Variants in VPS8 observed in about 807,000 individuals in gnomAD.
VPS8 encodes VPS8 subunit of CORVET complex.
Under a neutral mutation model 216.4 loss-of-function variants are expected in VPS8, and 129 were observed. The ratio of observed to expected loss-of-function variants is 0.60; its 90% CI spans 0.52 to 0.69. The LOEUF (loss-of-function observed/expected upper bound fraction) is 0.69, where lower values mean the gene tolerates loss of function less well. Ranked by LOEUF, VPS8 falls within the 30% of genes least tolerant of loss-of-function variation. VPS8 has a pLI of 0.00. For missense variants in VPS8, 1,531 were observed against 1,683.5 expected, an observed-to-expected ratio of 0.91 and a Z score of 1.59; for synonymous variants, 571 against 565.4, an observed-to-expected ratio of 1.01 and a Z score of -0.14.
intron 34 of VPS8, among the ~76,000 whole-genome samples, chr3:184,934,535 A>T (rs944289919): frequency 1.1e-4 from 16 of 152,204 alleles, no homozygotes; most frequent in African/African-American, 3.6e-4. Flanking sequence ...TGGCATTTTT[A>T]AAAATTTCAT....
chr3:184,818,958 A>T (rs1397953737), intron 1 of VPS8, among the ~76,000 whole-genome samples: 1 of 152,116 alleles, frequency 6.6e-6, no homozygotes, highest in Non-Finnish European at 1.5e-5. Context: ...GCTTGAGGCC[A>T]GGAGTTTAAG....
chr3:184,966,933 A>T (rs1393617823), intron 39 of VPS8, among the ~76,000 whole-genome samples: 1 of 151,814 alleles, frequency 6.6e-6, no homozygotes, highest in East Asian at 1.9e-4. Flanking sequence ...TTTTCGGTGG[A>T]GTTAAATATA....
At chr3:185,003,380 A>G (rs1472106601) in intron 45 of VPS8, among the ~76,000 whole-genome samples, 1 of 146,476 alleles carries the variant, frequency 6.8e-6, no homozygotes, top group Non-Finnish European at 1.5e-5. Flanking sequence ...GCCTTCAAGC[A>G]TCTGTTTAAC....
At chr3:184,982,966 ACT>A in intron 41 of VPS8, 44 bp from the exon 42 acceptor site, 1 of 1,480,830 alleles carries the variant, frequency 6.8e-7, no homozygotes, top group Non-Finnish European at 9.1e-7. Flanking sequence ...AAAACTGAAA[ACT>A]CTTATTTTAA....
intron 7 of VPS8, chr3:184,840,455 C>T (rs1452230179): frequency 6.6e-6 from 1 of 151,938 alleles, no homozygotes; most frequent in Non-Finnish European, 1.5e-5. Flanking sequence ...AATCCTAGCA[C>T]TTTGGGAGGC....
chr3:184,999,678 G>A lies in VPS8; in HGVS notation c.3837-18G>A, dbSNP rs1180770435. ...TTGTGATAATAAAAAGTACAAATTG[G>A]TTGCCTTCGTTTTGCAGCTGTGGCC... On this transcript the variant is annotated intron_variant, in intron 44 of 47. Coordinates refer to ENST00000625842, the MANE Select transcript of VPS8 (RefSeq NM_001009921.3). 1.9e-6 allele frequency: 3 copies of A among 1,592,532 alleles called. No homozygotes were observed. The highest frequency in any genetic ancestry group is 1.4e-5 in the African/African-American group (1 of 73,716).
intron 8 of VPS8, among the ~76,000 whole-genome samples, chr3:184,848,714 G>A (rs190713910): frequency 2.6e-5 from 4 of 151,914 alleles, no homozygotes; most frequent in South Asian, 2.1e-4. Flanking sequence ...GACTACAGGC[G>A]TGGGCCACCA....
At chr3:184,936,515 CTGTGTGTGTGTGTGTGTGTG>C (rs59011109) in intron 35 of VPS8, among the ~76,000 whole-genome samples, 180 bp downstream of exon 35, 2 of 119,368 alleles carry the variant, frequency 1.7e-5, no homozygotes, top group African/African-American at 6.4e-5. Flanking sequence ...CAACCTAATA[CTGTGTGTGTGTGTGTGTGTG>C]TGTGTGTGTG....
chr3:184,915,165 G>A (rs1040919462), intron 27 of VPS8, 112 bp downstream of exon 27: 2 of 1,379,958 alleles, frequency 1.4e-6, no homozygotes, highest in African/African-American at 2.9e-5. Context: ...ACCTGTTGCA[G>A]GAGAGAGCTT....
At chr3:184,890,392 A>G (rs1012469406) in intron 22 of VPS8, among the ~76,000 whole-genome samples, 5 of 152,072 alleles carry the variant, frequency 3.3e-5, no homozygotes. Flanking sequence ...GATTCCTTTT[A>G]TATTAATGTC....
Position 184,982,547 on chromosome 3 carries a change from A to ATT in VPS8, c.3421-16_3421-15dup. 6.3e-7 allele frequency: 1 copy of ATT among 1,580,416 alleles called. No individual in the cohort carries two copies. The highest frequency in any genetic ancestry group is 8.6e-7 in the Non-Finnish European group (1 of 1,161,892). On this transcript the variant is annotated intron_variant, in intron 40 of 47. Coordinates refer to ENST00000625842, the MANE Select transcript of VPS8 (RefSeq NM_001009921.3). ...CTTTGACCACTTTTCTTTTTCTTTG[A>ATT]TTTTCTCTGACATTATAGGCACTTT... is the stretch of plus-strand genomic sequence containing the variant.
chr3:184,994,676 TGAAAAG>T (rs752662818), intron 43 of VPS8, among the ~76,000 whole-genome samples: 7 of 152,088 alleles, frequency 4.6e-5, no homozygotes, highest in Non-Finnish European at 8.8e-5. Context: ...ATATACCACA[TGAAAAG>T]GAAGGATCAA....
intron 10 of VPS8, among the ~76,000 whole-genome samples, chr3:184,852,029 T>G (rs1724372276): frequency 6.6e-6 from 1 of 152,190 alleles, no homozygotes; most frequent in Admixed American, 6.5e-5. Context: ...TTAAAATGTT[T>G]TAGATATAGT....
chr3:184,849,175 T>G lies in VPS8; in HGVS notation c.646T>G (p.Cys216Gly). 1.2e-6 allele frequency: 2 copies of G among 1,613,458 alleles called. No homozygotes were observed. Among genetic ancestry groups the G allele is most frequent in the Non-Finnish European group, 1.7e-6 (2 of 1,179,484 alleles). ...CAACAATGATTGCTCAAGACTTCTT[T>G]GTGGCTTTGCTAAAGGACAGGTAAG... Reference protein sequence around the residue: ...SINNDCSRLLCGFAKGQITMW... With the variant: ...SINNDCSRLLGGFAKGQITMW... The change falls in exon 9 of 48, where the codon TGT becomes GGT. Residue 216 changes from cysteine to glycine, a missense_variant. Transcript: ENST00000625842.
At chr3:185,003,026 C>G (rs1269790389) in intron 45 of VPS8, among the ~76,000 whole-genome samples, 1 of 152,288 alleles carries the variant, frequency 6.6e-6, no homozygotes, top group South Asian at 2.1e-4. Flanking sequence ...AACCTCCATA[C>G]TGTTTTCCAT....
chr3:184,832,764 T>C lies in VPS8; in HGVS notation c.298T>C (p.Tyr100His). ...LNIDTIDSHS[Y>H]DTSSVASSDS... ...CATTGATACTATTGATTCTCACTCC[T>C]ATGATACTTCATCTGTGGCAAGCTC... Residue 100 changes from tyrosine to histidine, a missense_variant, in exon 4 of 48, where the codon TAT (tyrosine) becomes CAT (histidine). Physicochemically the swap from Tyr to His is moderately conservative, Grantham distance 83 (BLOSUM62 2). Coordinates refer to ENST00000625842, the MANE Select transcript of VPS8 (RefSeq NM_001009921.3). The C allele has an allele frequency of 6.2e-7, 1 of 1,609,874 alleles. No individual in the cohort carries two copies. Among genetic ancestry groups the C allele is most frequent in the Non-Finnish European group, 8.5e-7 (1 of 1,177,692 alleles).
chr3:185,003,753 C>T (rs1221736584), intron 45 of VPS8, among the ~76,000 whole-genome samples: 4 of 150,566 alleles, frequency 2.7e-5, no homozygotes, highest in Non-Finnish European at 2.9e-5. Context: ...GGGCTCCTCA[C>T]TTCTCAGACG....
chr3:184,819,001 CTT>C (rs1048586133), intron 1 of VPS8, among the ~76,000 whole-genome samples: 27 of 151,998 alleles, frequency 1.8e-4, no homozygotes, highest in Admixed American at 1.5e-3. Context: ...GATCCCATCT[CTT>C]AAAAAAAAAC....
rs756002047 is a variant in VPS8 at position 184,834,683 on chromosome 3, G to T, written c.388G>T (p.Gly130Ter). 1.3e-6 allele frequency: 2 copies of T among 1,554,314 alleles called. No homozygotes were observed. Among genetic ancestry groups the T allele is most frequent in the Non-Finnish European group, 1.7e-6 (2 of 1,148,972 alleles). ...ATTACCTGATTCTTTTTCACTTCATGGATCAGTTATGCGCCATTCACTTTT... is the reference window on the plus strand; with the variant it reads ...ATTACCTGATTCTTTTTCACTTCATTGATCAGTTATGCGCCATTCACTTTT... The part of the protein sequence containing the change: ...KKLPDSFSLH[G>*]SVMRHSLLKG... Residue 130 changes from glycine (G) to a stop codon, truncating the protein, a stop_gained, in exon 5 of 48, where the codon GGA (glycine) becomes TGA (stop). Transcript: ENST00000625842. LOFTEE classifies it high-confidence loss of function.
Sources: gnomAD v4.1 joint callset for allele counts (sites outside exome capture counted in the v4.1 genomes callset) on GRCh38, gnomAD v4.1.1 for gene constraint, MANE v1.5 for transcripts, NCBI Gene and HGNC (gene_info 2026-07-23, HGNC 2026-07-21) for gene names.